Variants in SLC16A2 observed in about 807,000 individuals in gnomAD.
The protein encoded by SLC16A2 is solute carrier family 16 member 2, also known as monocarboxylate transporter 8.
A neutral mutation model predicts 27.2 loss-of-function variants in SLC16A2; 3 were observed. The observed-to-expected ratio is 0.11, with a 90% CI of 0.05 to 0.28. The LOEUF is 0.28. SLC16A2 is among the 10% of genes least tolerant of loss of function. The pLI is 1.00. For missense variants in SLC16A2, 295 were observed against 458.5 expected (o/e 0.64, Z 3.26); for synonymous variants, 202 against 187.8 (o/e 1.08, Z -0.62).
At chrX:74,423,600 AC>A (rs1257524204) in intron 1 of SLC16A2, among the ~76,000 whole-genome samples, 1 of 111,618 alleles carries the variant, frequency 9.0e-6, no homozygotes, top group Non-Finnish European at 1.9e-5. Flanking sequence ...TCTCTTGACT[AC>A]CCAGGCCCAC....
In SLC16A2 at chrX:74,495,055, C is replaced by G. The variant is rs920614423; in HGVS notation, c.431-25935C>G. ...ATTTCTCTCCTCCCAGGTGACTGCCCTTGGGTGCATGTGCCTCAGTCTCCC... is the reference window on the plus strand; with the variant it reads ...ATTTCTCTCCTCCCAGGTGACTGCCGTTGGGTGCATGTGCCTCAGTCTCCC... On this transcript the variant is annotated intron_variant, in intron 1 of 5. Transcript: ENST00000587091. Among the ~76,000 whole-genome samples, 25 of 111,673 alleles carry G rather than the reference C, an allele frequency of 2.2e-4. No homozygotes were observed. In the Admixed American group the frequency reaches 2.4e-3, roughly 11 times the overall value.
chrX:74,496,041 G>A (rs1172977371), intron 1 of SLC16A2, among the ~76,000 whole-genome samples: 2 of 110,987 alleles, frequency 1.8e-5, no homozygotes, highest in Admixed American at 9.6e-5. Context: ...CCAACTGCCC[G>A]GTCTTCCAGA....
intron 1 of SLC16A2, among the ~76,000 whole-genome samples, chrX:74,502,632 A>C (rs1218351699): frequency 8.9e-6 from 1 of 112,698 alleles, no homozygotes; most frequent in Non-Finnish European, 1.9e-5. Context: ...TCAAGCAAAT[A>C]TAATGAAATA....
intron 1 of SLC16A2, among the ~76,000 whole-genome samples, chrX:74,499,883 C>G (rs1929998949): frequency 9.0e-6 from 1 of 111,459 alleles, no homozygotes; most frequent in African/African-American, 3.3e-5. Flanking sequence ...AAGAGAAAGT[C>G]TCCAGCAAAG....
At chrX:74,524,242 G>A (rs774076694) in intron 2 of SLC16A2, 117 bp from the exon 3 acceptor site, 1 of 723,861 alleles carries the variant, frequency 1.4e-6, no homozygotes, top group South Asian at 2.3e-5. Context: ...GAGGGTCAGT[G>A]GCAAGTGGGG....
At position 74,529,290 on chromosome X, in the gene SLC16A2, C is replaced by T. The variant is rs1420295689; in HGVS notation, c.1248C>T (p.Val416=). ...LCRDFGGLIV[V]CLFLGLCDGF... ...GGGACTTCGGGGGCCTTATCGTCGT[C>T]TGTCTTTTCCTGGGCCTTTGCGATG... The change falls in exon 5 of 6, where the codon GTC becomes GTT. Residue 416 remains valine, a synonymous_variant. Transcript: ENST00000587091. The T allele has an allele frequency of 1.7e-6, 2 of 1,210,256 alleles. No homozygotes were observed. Among genetic ancestry groups the T allele is most frequent in the Non-Finnish European group, 2.2e-6 (2 of 895,100 alleles).
At chrX:74,465,530 A>G (rs1011455301) in intron 1 of SLC16A2, among the ~76,000 whole-genome samples, 5 of 109,688 alleles carry the variant, frequency 4.6e-5, no homozygotes, top group African/African-American at 6.7e-5. Context: ...ACAATATTTC[A>G]CTCTTCTAGG....
intron 1 of SLC16A2, among the ~76,000 whole-genome samples, chrX:74,462,671 G>A (rs1929174027): frequency 9.0e-6 from 1 of 111,644 alleles, no homozygotes; most frequent in Admixed American, 9.6e-5. Context: ...GCCTTCTATG[G>A]ATCTTTGAAA....
chrX:74,421,868 C>G lies in SLC16A2; in HGVS notation c.231C>G (p.Pro77=), dbSNP rs371472639. Residue 77 remains proline, a synonymous_variant, in exon 1 of 6, where the codon CCC becomes CCG. Coordinates refer to ENST00000587091, the MANE Select transcript of SLC16A2 (RefSeq NM_006517.5). ...LEFESERVHE[P]EPTPTVETRG... is the part of the protein sequence containing the mutation. Reference sequence around the variant, plus strand: ...TCGAGTCCGAGCGGGTGCACGAACCCGAGCCCACGCCTACGGTAGAGACCC... The same window carrying G: ...TCGAGTCCGAGCGGGTGCACGAACCGGAGCCCACGCCTACGGTAGAGACCC... The G allele has an allele frequency of 3.0e-5, 36 of 1,207,056 alleles. No individual in the cohort carries two copies. The highest frequency in any genetic ancestry group is 4.0e-5 in the Non-Finnish European group (36 of 893,822).
intron 3 of SLC16A2, 94 bp downstream of exon 3, chrX:74,524,903 A>C: frequency 1.3e-6 from 1 of 778,799 alleles, no homozygotes; most frequent in Non-Finnish European, 1.9e-6. Flanking sequence ...GAGACATTGA[A>C]AGGGCAGAGC....
At chrX:74,476,224 T>C in intron 1 of SLC16A2, among the ~76,000 whole-genome samples, 1 of 112,006 alleles carries the variant, frequency 8.9e-6, no homozygotes, top group Middle Eastern at 4.6e-3. Context: ...TTCCTAGGTA[T>C]TTTATTCTCT....
At chrX:74,439,010 A>C (rs1327505118) in intron 1 of SLC16A2, among the ~76,000 whole-genome samples, 1 of 111,312 alleles carries the variant, frequency 9.0e-6, no homozygotes, top group African/African-American at 3.3e-5. Flanking sequence ...ATCCAGCCAC[A>C]AAAATAGTCA....
In SLC16A2 at chrX:74,468,589, A is replaced by G. The variant is rs751879619; in HGVS notation, c.430+46522A>G. Among the ~76,000 whole-genome samples, 9 of 108,409 alleles carry G rather than the reference A, an allele frequency of 8.3e-5. No individual in the cohort carries two copies. In the East Asian group the frequency reaches 8.5e-4, roughly 10 times the overall value. The allele number at this position is 108,409 out of a possible 115,157, so 94.1% of individuals were successfully genotyped here. A position where few individuals can be genotyped will look rare whatever the true frequency, so the allele number is the denominator to read the frequency against. On this transcript the variant is annotated intron_variant, in intron 1 of 5. Coordinates refer to ENST00000587091, the MANE Select transcript of SLC16A2 (RefSeq NM_006517.5). ...ATGCTGCTATGAGAAGTCCAGTACA[A>G]GTTTTTAAATTAGATGTACATTTTT...
At chrX:74,437,723 C>T (rs1055721231) in intron 1 of SLC16A2, among the ~76,000 whole-genome samples, 3 of 111,826 alleles carry the variant, frequency 2.7e-5, no homozygotes, top group Non-Finnish European at 3.8e-5. Flanking sequence ...CAGGTGAAAC[C>T]GGTCAGACCA....
chrX:74,514,528 C>T (rs1324699899), intron 1 of SLC16A2, among the ~76,000 whole-genome samples: 2 of 111,134 alleles, frequency 1.8e-5, no homozygotes, highest in Non-Finnish European at 3.8e-5. Context: ...ATTTCTTCCC[C>T]TCTCAGCAGT....
intron 1 of SLC16A2, among the ~76,000 whole-genome samples, chrX:74,433,201 G>A (rs996117053): frequency 3.6e-5 from 4 of 110,416 alleles, no homozygotes; most frequent in African/African-American, 6.6e-5. Context: ...GTGAAATCCC[G>A]TCTCTACCAA....
chrX:74,524,289 A>G, intron 2 of SLC16A2, 70 bp from the exon 3 acceptor site: 1 of 1,095,287 alleles, frequency 9.1e-7, no homozygotes, highest in Non-Finnish European at 1.3e-6. Context: ...AGTCTCAGGA[A>G]GCTGACAGGG....
intron 1 of SLC16A2, among the ~76,000 whole-genome samples, chrX:74,453,223 C>T (rs1341535617): frequency 9.1e-6 from 1 of 110,223 alleles, no homozygotes; most frequent in Non-Finnish European, 1.9e-5. Flanking sequence ...TTGGTAGAGA[C>T]GGGGTGTCGC....
intron 1 of SLC16A2, among the ~76,000 whole-genome samples, chrX:74,452,709 G>A (rs1226573098): frequency 9.0e-6 from 1 of 110,669 alleles, no homozygotes; most frequent in Non-Finnish European, 1.9e-5. Flanking sequence ...AATATACACA[G>A]GTCGTCCTTC....
Sources: allele counts gnomAD v4.1 joint callset (sites outside exome capture counted in the v4.1 genomes callset), GRCh38; gene constraint gnomAD v4.1.1; transcripts MANE v1.5; gene names NCBI Gene and HGNC (gene_info 2026-07-23, HGNC 2026-07-21).